Variants in CDH8 observed in about 807,000 individuals in gnomAD.
The protein encoded by CDH8 is cadherin-8.
Under a neutral mutation model 68.1 loss-of-function variants are expected in CDH8, and 17 were observed. The ratio of observed to expected loss-of-function variants is 0.25; its 90% confidence interval spans 0.17 to 0.37. The LOEUF (loss-of-function observed/expected upper bound fraction) is 0.37. CDH8 is among the 10% of genes least tolerant of loss of function. The pLI is 1.00. For missense variants in CDH8, 763 were observed against 999.3 expected, an observed-to-expected ratio of 0.76 and a Z score of 3.19; for synonymous variants, 372 against 365.1, an observed-to-expected ratio of 1.02 and a Z score of -0.21.
chr16:61,655,673 T>C lies in CDH8; in HGVS notation c.1703A>G (p.Lys568Arg), dbSNP rs1162323412. 1 of 1,614,108 alleles carries C rather than the reference T, an allele frequency of 6.2e-7. No homozygotes were observed. The highest frequency in any genetic ancestry group is 1.7e-5 in the Admixed American group (1 of 60,030). The change falls in exon 11 of 12, where the codon AAG (lysine) becomes AGG (arginine). Residue 568 changes from lysine to arginine, a missense_variant. Lys to Arg is a conservative substitution (Grantham distance 26). Transcript: ENST00000577390. ...GATTGGTAAAAGATAGACTTCTTGC[T>C]TCTGGCGGTTGAATCCATTATGCTT... ...LAKHNGFNRQ[K>R]QEVYLLPIII...
At chr16:61,808,329 G>T (rs1961851029) in intron 7 of CDH8, among the ~76,000 whole-genome samples, 1 of 151,882 alleles carries the variant, frequency 6.6e-6, no homozygotes, top group Non-Finnish European at 1.5e-5. Context: ...ACTGAGATCA[G>T]AAGAAGAAAA....
intron 6 of CDH8, among the ~76,000 whole-genome samples, chr16:61,818,195 T>C (rs565111339): frequency 2.0e-4 from 31 of 152,216 alleles, no homozygotes; most frequent in African/African-American, 7.5e-4. Flanking sequence ...GAAATAATCA[T>C]TGTTTAGTCC....
At chr16:61,853,248 A>G (rs12928756) in intron 4 of CDH8, among the ~76,000 whole-genome samples, 1 of 152,096 alleles carries the variant, frequency 6.6e-6, no homozygotes, top group Non-Finnish European at 1.5e-5. Flanking sequence ...GTGAAATGTA[A>G]CAAGCAAGGG....
At chr16:61,686,622 G>T (rs1179203519) in intron 10 of CDH8, among the ~76,000 whole-genome samples, 2 of 151,832 alleles carry the variant, frequency 1.3e-5, no homozygotes, top group Admixed American at 1.3e-4. Flanking sequence ...TAAGTTCTCT[G>T]CAGAAAGATC....
Position 61,960,376 on chromosome 16 carries a change from C to CGTGTGTGTGT in CDH8, c.253-58904_253-58903insACACACACAC, listed in dbSNP as rs1965128494. 5.6e-5 allele frequency among the ~76,000 whole-genome samples: 5 copies of CGTGTGTGTGT among 89,350 alleles called. 1 individual carries two copies. Among genetic ancestry groups the CGTGTGTGTGT allele is most frequent in the Admixed American group, 4.7e-4 (4 of 8,424 alleles). 58.6% of individuals were successfully genotyped at this position (89,350 alleles called of 152,430 possible). On this transcript the variant is annotated intron_variant, in intron 2 of 11. Coordinates refer to ENST00000577390, the MANE Select transcript of CDH8 (RefSeq NM_001796.5). Reference sequence around the variant, plus strand: ...GTGTGTGTATACACATACATATATACATGTGTGTGTGTATACACATACATA... The same window carrying CGTGTGTGTGT: ...GTGTGTGTATACACATACATATATACGTGTGTGTGTATGTGTGTGTGTATACACATACATA...
At chr16:61,683,253 T>C (rs1246448602) in intron 10 of CDH8, among the ~76,000 whole-genome samples, 1 of 151,940 alleles carries the variant, frequency 6.6e-6, no homozygotes, top group Non-Finnish European at 1.5e-5. Context: ...AAAAATAAAA[T>C]GATAGGATAC....
At chr16:61,852,323 A>G (rs1336578668) in intron 4 of CDH8, among the ~76,000 whole-genome samples, 2 of 152,218 alleles carry the variant, frequency 1.3e-5, no homozygotes, top group East Asian at 1.9e-4. Flanking sequence ...AAAAGACTGT[A>G]TATACACAAT....
At chr16:61,810,782 G>A (rs1382154527) in intron 7 of CDH8, among the ~76,000 whole-genome samples, 2 of 152,104 alleles carry the variant, frequency 1.3e-5, no homozygotes, top group Non-Finnish European at 2.9e-5. Flanking sequence ...CAAGAACTTT[G>A]GGAGGCCGAG....
intron 7 of CDH8, among the ~76,000 whole-genome samples, chr16:61,812,508 T>C (rs1961974657): frequency 6.6e-6 from 1 of 151,948 alleles, no homozygotes; most frequent in Non-Finnish European, 1.5e-5. Flanking sequence ...CAATAGAAAG[T>C]GATTTCCTTA....
intron 3 of CDH8, among the ~76,000 whole-genome samples, chr16:61,890,965 T>C (rs117328190): frequency 0.01 from 1,552 of 152,218 alleles, 22 homozygotes; most frequent in Non-Finnish European, 0.013. Context: ...CTATAGTGAA[T>C]AGTTCTATAA....
chr16:61,759,948 A>G (rs1342794168), intron 8 of CDH8, among the ~76,000 whole-genome samples: 1 of 152,110 alleles, frequency 6.6e-6, no homozygotes, highest in Non-Finnish European at 1.5e-5. Context: ...TTGACTCTCT[A>G]TCACTCTTTG....
At chr16:61,864,798 T>C (rs1963221979) in intron 3 of CDH8, among the ~76,000 whole-genome samples, 1 of 152,120 alleles carries the variant, frequency 6.6e-6, no homozygotes, top group South Asian at 2.1e-4. Flanking sequence ...GGATTCCAAT[T>C]CTTTCCAGGA....
chr16:61,941,538 C>T (rs556495579), intron 2 of CDH8, among the ~76,000 whole-genome samples: 22 of 152,316 alleles, frequency 1.4e-4, no homozygotes, highest in African/African-American at 4.8e-4. Flanking sequence ...CAACCTCCGT[C>T]TCCCAAGTTC....
rs369865177 is a variant in CDH8 at position 61,655,477 on chromosome 16, C to T, written c.1899G>A (p.Leu633=). Residue 633 remains leucine, a synonymous_variant, in exon 11 of 12, where the codon TTG becomes TTA. Coordinates refer to ENST00000577390, the MANE Select transcript of CDH8 (RefSeq NM_001796.5). The stretch of plus-strand genomic sequence containing the variant: ...TATGAAGGAAATACGTACCTAACAG[C>T]AAAATGATGCATGCTAATATGGCAA... ...ALIAILACII[L]LLVIVVLFVT... The T allele has an allele frequency of 1.2e-6, 2 of 1,614,018 alleles. No homozygotes were observed. The highest frequency in any genetic ancestry group is 1.7e-6 in the Non-Finnish European group (2 of 1,179,984).
At chr16:61,693,533 T>C (rs1447117762) in intron 10 of CDH8, 3 of 152,142 alleles carry the variant, frequency 2.0e-5, no homozygotes, top group African/African-American at 7.2e-5. Flanking sequence ...CCATTTAAGA[T>C]GGTACATCTA....
intron 4 of CDH8, among the ~76,000 whole-genome samples, chr16:61,828,352 A>C (rs1962386224): frequency 6.6e-6 from 1 of 151,906 alleles, no homozygotes; most frequent in Non-Finnish European, 1.5e-5. Context: ...CTGTCTATGG[A>C]ATATCCATTC....
chr16:61,659,554 C>CA (rs1366066498), intron 10 of CDH8, among the ~76,000 whole-genome samples: 1 of 152,160 alleles, frequency 6.6e-6, no homozygotes, highest in Admixed American at 6.5e-5. Flanking sequence ...GGTCCCTACT[C>CA]ATGGGAGAGA....
chr16:61,842,343 T>C (rs1000549072), intron 4 of CDH8, among the ~76,000 whole-genome samples: 2 of 152,046 alleles, frequency 1.3e-5, no homozygotes, highest in Non-Finnish European at 2.9e-5. Context: ...AAAGAATAAA[T>C]GCCATTATCA....
intron 3 of CDH8, among the ~76,000 whole-genome samples, chr16:61,892,748 G>A (rs1963799771): frequency 6.6e-6 from 1 of 152,128 alleles, no homozygotes; most frequent in Non-Finnish European, 1.5e-5. Flanking sequence ...GAGGAAGAGT[G>A]AGACAGTAGA....
Sources: gnomAD v4.1 joint callset for allele counts (sites outside exome capture counted in the v4.1 genomes callset) on GRCh38, gnomAD v4.1.1 for gene constraint, MANE v1.5 for transcripts, NCBI Gene and HGNC (gene_info 2026-07-23, HGNC 2026-07-21) for gene names.